ACTR10: variants seen among roughly 807,000 people sequenced by gnomAD.
The protein encoded by ACTR10 is actin related protein 10.
A neutral mutation model predicts 56.2 loss-of-function variants in ACTR10; 43 were observed. The observed-to-expected ratio is 0.77, with a 90% confidence interval of 0.60 to 0.99. ACTR10 has a LOEUF of 0.99. Ranked by LOEUF, ACTR10 falls within the 50% of genes least tolerant of loss-of-function variation. ACTR10 has a pLI of 0.00. For synonymous variants in ACTR10, 170 were observed against 176.3 expected (o/e 0.96, Z 0.28); for missense variants, 466 against 507.8 (o/e 0.92, Z 0.79).
At chr14:58,227,318 G>A (rs1889428629) in intron 10 of ACTR10, among the ~76,000 whole-genome samples, 1 of 151,906 alleles carries the variant, frequency 6.6e-6, no homozygotes, top group Non-Finnish European at 1.5e-5. Flanking sequence ...ATCACTTGAG[G>A]TCACGAGTTT....
Position 58,215,262 on chromosome 14 carries a change from A to G in ACTR10, c.576A>G (p.Glu192=), listed in dbSNP as rs910636300. 8 of 1,611,288 alleles carry G rather than the reference A, an allele frequency of 5.0e-6. No individual in the cohort carries two copies. The highest frequency in any genetic ancestry group is 1.3e-5 in the African/African-American group (1 of 74,824). The change falls in exon 7 of 13, where the codon GAA becomes GAG. Residue 192 remains glutamate (E), a synonymous_variant. Transcript: ENST00000254286. ...QCTVDTSVAK[E]QSLPSVMGSV... Reference sequence around the variant, plus strand: ...CTGTTGACACAAGTGTTGCTAAAGAACAGAGCCTTCCCTCAGTGATGGGTA... The same window carrying G: ...CTGTTGACACAAGTGTTGCTAAAGAGCAGAGCCTTCCCTCAGTGATGGGTA...
intron 2 of ACTR10, among the ~76,000 whole-genome samples, chr14:58,205,054 C>G (rs763607911): frequency 1.3e-5 from 2 of 151,906 alleles, no homozygotes; most frequent in Non-Finnish European, 2.9e-5. Flanking sequence ...AACCCTATCT[C>G]TACTAAATAT....
At chr14:58,225,388 G>A (rs1889373530) in intron 10 of ACTR10, among the ~76,000 whole-genome samples, 1 of 150,622 alleles carries the variant, frequency 6.6e-6, no homozygotes, top group African/African-American at 2.4e-5. Flanking sequence ...AAGTTTCCTT[G>A]TAAAATATAA....
intron 6 of ACTR10, among the ~76,000 whole-genome samples, chr14:58,214,208 T>G (rs770739047): frequency 6.6e-6 from 1 of 152,152 alleles, no homozygotes; most frequent in Non-Finnish European, 1.5e-5. Flanking sequence ...CTACTCTCTA[T>G]GTCCATGAGT....
chr14:58,201,612 TATG>T (rs1304782586), intron 1 of ACTR10, among the ~76,000 whole-genome samples: 9 of 152,228 alleles, frequency 5.9e-5, no homozygotes, highest in Non-Finnish European at 8.8e-5. Context: ...ACTAAACTAG[TATG>T]ATGATCATTT....
At position 58,230,485 on chromosome 14, in the gene ACTR10, T is replaced by A; in HGVS notation, c.870+5T>A. 1 of 1,473,182 alleles carries A rather than the reference T, an allele frequency of 6.8e-7. No individual in the cohort carries two copies. The highest frequency in any genetic ancestry group is 1.4e-5 in the African/African-American group (1 of 69,086). The allele number at this position is 1,473,182 out of a possible 1,614,324, so 91.3% of individuals were successfully genotyped here. On this transcript the variant is annotated splice_donor_5th_base_variant and intron_variant, in intron 11 of 12. Coordinates refer to ENST00000254286, the MANE Select transcript of ACTR10 (RefSeq NM_018477.3). The stretch of plus-strand genomic sequence containing the variant: ...ATATTGGATTCCCTTATACAGGTAT[T>A]TTATCTTGTCAAAAAATTCCCTTTA...
At chr14:58,211,506 C>T in intron 5 of ACTR10, 107 bp downstream of exon 5, 3 of 773,756 alleles carry the variant, frequency 3.9e-6, no homozygotes, top group Non-Finnish European at 4.3e-6. Flanking sequence ...TTTTGGGTTA[C>T]TATGTACAAA....
intron 8 of ACTR10, among the ~76,000 whole-genome samples, chr14:58,221,224 A>C (rs1285281033): frequency 6.7e-6 from 1 of 149,738 alleles, no homozygotes; most frequent in Non-Finnish European, 1.5e-5. Flanking sequence ...CGGAGGTTGC[A>C]TTGAGCCAAG....
At chr14:58,228,586 ACT>A (rs1340486730) in intron 10 of ACTR10, among the ~76,000 whole-genome samples, 1 of 143,354 alleles carries the variant, frequency 7.0e-6, no homozygotes, top group Admixed American at 7.4e-5. Flanking sequence ...ACAGAGCGAG[ACT>A]CTGTCTCAAA....
chr14:58,223,741 T>C (rs1462250565), intron 9 of ACTR10, 40 bp downstream of exon 9: 3 of 1,606,942 alleles, frequency 1.9e-6, no homozygotes, highest in Non-Finnish European at 2.6e-6. Context: ...TTGCAAAGGT[T>C]ACAACATGTG....
chr14:58,205,145 CG>C (rs1191834998), intron 2 of ACTR10, among the ~76,000 whole-genome samples: 2 of 151,384 alleles, frequency 1.3e-5, no homozygotes, highest in Non-Finnish European at 2.9e-5. Context: ...CACTTGAACC[CG>C]GGAGGTGGAG....
At chr14:58,202,288 AGG>A (rs1888730978) in intron 1 of ACTR10, among the ~76,000 whole-genome samples, 1 of 152,074 alleles carries the variant, frequency 6.6e-6, no homozygotes, top group Non-Finnish European at 1.5e-5. Flanking sequence ...ATTAACAACT[AGG>A]AAAAAAGTTG....
intron 8 of ACTR10, among the ~76,000 whole-genome samples, chr14:58,222,621 T>C (rs1370011071): frequency 6.6e-6 from 1 of 151,914 alleles, no homozygotes; most frequent in Non-Finnish European, 1.5e-5. Flanking sequence ...AAAAATTAGC[T>C]GGGCATGGTG....
intron 1 of ACTR10, 74 bp downstream of exon 1, chr14:58,200,368 T>G (rs1594800778): frequency 5.5e-6 from 7 of 1,270,010 alleles, no homozygotes; most frequent in South Asian, 4.0e-5. Context: ...ACTGCCTGGG[T>G]CCTCATCGCC....
At chr14:58,217,083 G>A in intron 7 of ACTR10, among the ~76,000 whole-genome samples, 1 of 152,118 alleles carries the variant, frequency 6.6e-6, no homozygotes, top group East Asian at 1.9e-4. Flanking sequence ...AGATAACTTT[G>A]TGATGTCTTA....
chr14:58,215,903 G>T (rs564027347), intron 7 of ACTR10, among the ~76,000 whole-genome samples: 1 of 150,258 alleles, frequency 6.7e-6, no homozygotes, highest in Admixed American at 6.6e-5. Context: ...CTTGTCTCCC[G>T]TTTTACAAAA....
rs1313724021 is a variant in ACTR10 at position 58,202,996 on chromosome 14, A to G, written c.150+69A>G. 4.4e-6 allele frequency: 5 copies of G among 1,130,338 alleles called. No individual in the cohort carries two copies. In the Admixed American group the frequency reaches 6.0e-5, roughly 13 times the overall value. The allele number at this position is 1,130,338 out of a possible 1,614,324, so 70.0% of individuals were successfully genotyped here. On this transcript the variant is annotated intron_variant, in intron 2 of 12. Coordinates refer to ENST00000254286, the MANE Select transcript of ACTR10 (RefSeq NM_018477.3). ...AATGTTTTAAAATATGACTTCAAGT[A>G]AGATTGATTAAAACAGTACTAAAGG...
intron 11 of ACTR10, among the ~76,000 whole-genome samples, chr14:58,231,786 G>A (rs1415555539): frequency 2.6e-5 from 4 of 152,096 alleles, no homozygotes; most frequent in Admixed American, 2.0e-4. Flanking sequence ...ACTCACATAT[G>A]CCCTATGGAA....
intron 10 of ACTR10, 105 bp downstream of exon 10, chr14:58,223,961 C>A: frequency 1.1e-6 from 1 of 874,434 alleles, no homozygotes; most frequent in South Asian, 1.7e-5. Context: ...TTTAACAGTT[C>A]AGTGTTTATT....
Sources: gnomAD v4.1 joint callset for allele counts (sites outside exome capture counted in the v4.1 genomes callset) on GRCh38, gnomAD v4.1.1 for gene constraint, MANE v1.5 for transcripts, NCBI Gene and HGNC (gene_info 2026-07-23, HGNC 2026-07-21) for gene names.